Variants in EIF3A observed in about 807,000 individuals in gnomAD.
The protein encoded by EIF3A is EIF3, p180 subunit.
In EIF3A, 21 loss-of-function variants were observed where a neutral mutation model predicts 186.6. The ratio of observed to expected loss-of-function variants is 0.11; its 90% confidence interval spans 0.08 to 0.16. EIF3A has a LOEUF of 0.16. EIF3A is among the 10% of genes least tolerant of loss of function. EIF3A has a pLI of 1.00. For missense variants in EIF3A, 1,306 were observed against 1,796.3 expected, an observed-to-expected ratio of 0.73 and a Z score of 4.93; for synonymous variants, 563 against 584.3, an observed-to-expected ratio of 0.96 and a Z score of 0.52.
In EIF3A at chr10:119,042,691, A is replaced by C; in HGVS notation, c.2829T>G (p.Asp943Glu). The C allele has an allele frequency of 6.2e-7, 1 of 1,614,088 alleles. No individual in the cohort carries two copies. Among genetic ancestry groups the C allele is most frequent in the South Asian group, 1.1e-5 (1 of 91,072 alleles). Reference protein sequence around the residue: ...DEERPRRLGDDEDREPSLRPD... With the variant: ...DEERPRRLGDEEDREPSLRPD... Reference sequence around the variant, plus strand: ...GTCTAAGAGAGGGCTCTCTATCTTCATCATCCCCCAGACGCCGGGGCCGCT... The same window carrying C: ...GTCTAAGAGAGGGCTCTCTATCTTCCTCATCCCCCAGACGCCGGGGCCGCT... The change falls in exon 19 of 22, where the codon GAT becomes GAG. Residue 943 changes from aspartate (D) to glutamate (E), a missense_variant. Physicochemically the swap from Asp to Glu is conservative, Grantham distance 45. Transcript: ENST00000369144. This position sits in a 1 kb window ranked among gnomAD's most constrained non-coding sequence, Gnocchi z 7.8.
rs370241193 is a variant in EIF3A at position 119,036,189 on chromosome 10, T to C, written c.3999A>G (p.Pro1333=). 57 of 1,613,810 alleles carry C rather than the reference T, an allele frequency of 3.5e-5. No homozygotes were observed. The highest frequency in any genetic ancestry group is 4.4e-5 in the Non-Finnish European group (52 of 1,179,968). Residue 1333 remains proline (P), a synonymous_variant, in exon 22 of 22, where the codon CCA becomes CCG. Transcript: ENST00000369144. ...CTCTTTCTCGGTCTCTTGAAAGAGC[T>C]GGGGGAGGAACTCGACGAGGAGGGT... ...ERDPPRRVPP[P]ALSRDRERDR...
chr10:119,059,452 A>G, intron 10 of EIF3A, 55 bp from the exon 11 acceptor site: 2 of 1,375,846 alleles, frequency 1.5e-6, no homozygotes, highest in Non-Finnish European at 2.0e-6. Context: ...GAAGTCAAAA[A>G]GTAACAGAAG....
At chr10:119,037,394 TAG>T in intron 20 of EIF3A, 85 bp from the exon 21 acceptor site, 1 of 1,218,008 alleles carries the variant, frequency 8.2e-7, no homozygotes, top group Non-Finnish European at 1.2e-6. Flanking sequence ...AGCTGGGGCT[TAG>T]AGTTTACAAA....
At chr10:119,039,150 A>G (rs1848175137) in intron 19 of EIF3A, among the ~76,000 whole-genome samples, 1 of 152,162 alleles carries the variant, frequency 6.6e-6, no homozygotes, top group Non-Finnish European at 1.5e-5. Flanking sequence ...AACGTTTTCA[A>G]GCCCTTCATA....
intron 14 of EIF3A, among the ~76,000 whole-genome samples, chr10:119,052,399 T>TGTGTGTG (rs1554870363): frequency 6.0e-5 from 9 of 149,048 alleles, no homozygotes; most frequent in African/African-American, 1.2e-4. Flanking sequence ...TGTGTGTGTG[T>TGTGTGTG]TTTAAGACAG....
intron 1 of EIF3A, among the ~76,000 whole-genome samples, chr10:119,075,092 G>C (rs1844143879): frequency 6.7e-6 from 1 of 149,606 alleles, no homozygotes; most frequent in South Asian, 2.1e-4. Flanking sequence ...CTCCTGAGTA[G>C]CTGGGATTAC....
chr10:119,042,721 A>G lies in EIF3A; in HGVS notation c.2799T>C (p.Asp933=), dbSNP rs1848228666. 6.2e-7 allele frequency: 1 copy of G among 1,613,448 alleles called. No individual in the cohort carries two copies. The highest frequency in any genetic ancestry group is 1.1e-5 in the South Asian group (1 of 91,062). The change falls in exon 19 of 22, where the codon GAT becomes GAC. Residue 933 remains aspartate, a synonymous_variant. Transcript: ENST00000369144. The surrounding 1 kb of genome is among the most constrained non-coding windows in gnomAD (Gnocchi z 7.8). The stretch of plus-strand genomic sequence containing the variant: ...CCCCCAGACGCCGGGGCCGCTCTTC[A>G]TCTCTTCTATGAGACCTGTCCTCAT... The part of the protein sequence containing the change: ...GRDEDRSHRR[D]EERPRRLGDD...
intron 9 of EIF3A, chr10:119,060,091 G>A (rs1286513979): frequency 3.9e-6 from 2 of 514,078 alleles, no homozygotes; most frequent in Non-Finnish European, 7.7e-6. Context: ...TAGCACATAA[G>A]AAATAACACT....
In EIF3A at chr10:119,080,744, G is replaced by A; in HGVS notation, c.-68C>T. On this transcript the variant is annotated 5_prime_UTR_variant, in exon 1 of 22. Coordinates refer to ENST00000369144, the MANE Select transcript of EIF3A (RefSeq NM_003750.4). Reference sequence around the variant, plus strand: ...AGTGGCCCGGGCCGGGAGAGGAGACGAAGGGGAACCAGCGTAAGGTCCCAC... The same window carrying A: ...AGTGGCCCGGGCCGGGAGAGGAGACAAAGGGGAACCAGCGTAAGGTCCCAC... The A allele has an allele frequency of 6.5e-7, 1 of 1,541,128 alleles. No homozygotes were observed. The highest frequency in any genetic ancestry group is 1.2e-5 in the South Asian group (1 of 82,792).
intron 12 of EIF3A, among the ~76,000 whole-genome samples, 190 bp downstream of exon 12, chr10:119,057,766 C>T (rs974377344): frequency 1.3e-5 from 2 of 152,104 alleles, no homozygotes; most frequent in Admixed American, 6.6e-5. Context: ...CAAGATAATA[C>T]TCCGTCTCAA....
chr10:119,046,740 C>T (rs966726268), intron 17 of EIF3A, among the ~76,000 whole-genome samples: 3 of 151,888 alleles, frequency 2.0e-5, no homozygotes, highest in African/African-American at 4.8e-5. Flanking sequence ...GGGTGGATCA[C>T]CTGAGGTCAG....
At chr10:119,060,702 G>T in intron 9 of EIF3A, 44 bp downstream of exon 9, 1 of 1,448,906 alleles carries the variant, frequency 6.9e-7, no homozygotes, top group South Asian at 1.2e-5. Context: ...GTTTCATGAT[G>T]AGCACATAAC....
rs778479391 is a variant in EIF3A, at chr10:119,033,835, T to C, written c.*2204A>G. The C allele has an allele frequency of 3.3e-4, 55 of 164,998 alleles. No homozygotes were observed. Among genetic ancestry groups the C allele is most frequent in the Non-Finnish European group, 1.8e-4 (12 of 67,852 alleles). 10.2% of individuals were successfully genotyped at this position (164,998 alleles called of 1,614,324 possible). A position where few individuals can be genotyped will look rare whatever the true frequency, so the allele number is the denominator to read the frequency against. On this transcript the variant is annotated 3_prime_UTR_variant, in exon 22 of 22. Coordinates refer to ENST00000369144, the MANE Select transcript of EIF3A (RefSeq NM_003750.4). ...ACCCCAAGTATTTCAATTAGACTTA[T>C]AAAAGTATAAGTCAATCTATGGTCA...
chr10:119,075,772 G>C (rs1404755850), intron 1 of EIF3A, among the ~76,000 whole-genome samples: 1 of 133,618 alleles, frequency 7.5e-6, no homozygotes, highest in Non-Finnish European at 1.5e-5. Context: ...GGAGTGCAGT[G>C]GTGCAATCTC....
chr10:119,068,834 A>G (rs1340867739), intron 6 of EIF3A, among the ~76,000 whole-genome samples: 2 of 151,646 alleles, frequency 1.3e-5, no homozygotes, highest in Admixed American at 1.3e-4. Flanking sequence ...TTAGCCGGGC[A>G]TGGTGGTGGG....
chr10:119,054,553 TAAA>T (rs747524825), intron 14 of EIF3A, among the ~76,000 whole-genome samples: 1 of 125,656 alleles, frequency 8.0e-6, no homozygotes. Context: ...CGTCTCTAAT[TAAA>T]AAAAAAAAAA....
chr10:119,049,831 T>C lies in EIF3A; in HGVS notation c.2628A>G (p.Arg876=), dbSNP rs141903830. 3.2e-5 allele frequency: 52 copies of C among 1,613,948 alleles called. 1 individual carries two copies. The highest frequency in any genetic ancestry group is 4.2e-5 in the Non-Finnish European group (49 of 1,179,990). ...TAGAAAGGGAACTATCGCCAAGTCT[T>C]CTCTCTTCCTCTCTACGCCGTTCTC... ...EERERRREEE[R]RLGDSSLSRK... is the part of the protein sequence containing the mutation. The change falls in exon 17 of 22, where the codon AGA becomes AGG. Residue 876 remains arginine (R), a synonymous_variant. Coordinates refer to ENST00000369144, the MANE Select transcript of EIF3A (RefSeq NM_003750.4).
At chr10:119,054,970 G>A (rs1387397291) in intron 14 of EIF3A, among the ~76,000 whole-genome samples, 2 of 152,164 alleles carry the variant, frequency 1.3e-5, no homozygotes, top group Non-Finnish European at 2.9e-5. Context: ...AGCACTTTGG[G>A]AGGCTGAGGC....
chr10:119,057,948 C>T lies in EIF3A; in HGVS notation c.1977+8G>A. 2.5e-6 allele frequency: 4 copies of T among 1,603,358 alleles called. No homozygotes were observed. Among genetic ancestry groups the T allele is most frequent in the Non-Finnish European group, 2.6e-6 (3 of 1,173,702 alleles). On this transcript the variant is annotated splice_region_variant and intron_variant, in intron 12 of 21. Transcript: ENST00000369144. ...AACTAATTTTTTAATAACTAAGATG[C>T]TACGTACTTCAATATCAATATCTTT...
Sources: gnomAD v4.1 joint callset for allele counts (sites outside exome capture counted in the v4.1 genomes callset) on GRCh38, gnomAD v4.1.1 for gene constraint, Gnocchi (gnomAD v3.1) non-coding constraint, MANE v1.5 for transcripts, NCBI Gene and HGNC (gene_info 2026-07-23, HGNC 2026-07-21) for gene names.